CSMD3: variants seen among roughly 807,000 people sequenced by gnomAD.
The protein encoded by CSMD3 is CUB and sushi domain-containing protein 3.
A neutral mutation model predicts 435.2 loss-of-function variants in CSMD3; 177 were observed. The ratio of observed to expected loss-of-function variants is 0.41; its 90% CI spans 0.36 to 0.46. The LOEUF is 0.46. Ranked by LOEUF, CSMD3 falls within the 20% of genes least tolerant of loss-of-function variation. CSMD3 has a pLI of 0.34. For missense variants in CSMD3, 4,265 were observed against 4,504.6 expected (o/e 0.95, Z 1.52); for synonymous variants, 1,656 against 1,520.5 (o/e 1.09, Z -2.07).
At chr8:113,082,002 A>G (rs937581621) in intron 5 of CSMD3, among the ~76,000 whole-genome samples, 1 of 152,152 alleles carries the variant, frequency 6.6e-6, no homozygotes, top group East Asian at 1.9e-4. Context: ...TGGGGATCTG[A>G]GAACTGGCCC....
chr8:112,394,302 T>C (rs1420148235), intron 35 of CSMD3, among the ~76,000 whole-genome samples: 8 of 152,194 alleles, frequency 5.3e-5, no homozygotes, highest in Non-Finnish European at 8.8e-5. Flanking sequence ...CCTATCCAAA[T>C]CACACTACTT....
intron 2 of CSMD3, among the ~76,000 whole-genome samples, chr8:113,303,082 T>C (rs1034089930): frequency 7.5e-6 from 1 of 132,984 alleles, no homozygotes; most frequent in African/African-American, 2.9e-5. Context: ...ACAAAATCAA[T>C]GTACAAAAAT....
At chr8:113,158,661 A>T (rs2091980317) in intron 4 of CSMD3, among the ~76,000 whole-genome samples, 1 of 152,022 alleles carries the variant, frequency 6.6e-6, no homozygotes, top group East Asian at 1.9e-4. Flanking sequence ...CTTTGGGAAC[A>T]GTATGAAAAT....
chr8:112,295,588 ATATT>A (rs1414726344), intron 54 of CSMD3, among the ~76,000 whole-genome samples: 3 of 151,598 alleles, frequency 2.0e-5, no homozygotes, highest in Non-Finnish European at 4.4e-5. Context: ...TCAATATTAT[ATATT>A]TATATTAAAT....
chr8:113,006,241 A>G (rs983987503), intron 6 of CSMD3, among the ~76,000 whole-genome samples: 1 of 152,052 alleles, frequency 6.6e-6, no homozygotes, highest in African/African-American at 2.4e-5. Context: ...GTTTCTTCCC[A>G]AACAAGTCCT....
At chr8:113,140,835 C>T (rs1411687804) in intron 4 of CSMD3, among the ~76,000 whole-genome samples, 1 of 150,726 alleles carries the variant, frequency 6.6e-6, no homozygotes, top group Non-Finnish European at 1.5e-5. Context: ...TAAATTCACA[C>T]CTCAACAACC....
rs2092842540 is a variant in CSMD3 at position 113,212,086 on chromosome 8, C to T, written c.515-38170G>A. 4.6e-5 allele frequency among the ~76,000 whole-genome samples: 7 copies of T among 152,116 alleles called. No homozygotes were observed. The South Asian group carries it at 1.2e-3, about 27-fold the overall frequency. Reference sequence around the variant, plus strand: ...ATTTATACCTTTGTATATTATAAGACTAGATCAAAAGAGACCCAATATTTA... The same window carrying T: ...ATTTATACCTTTGTATATTATAAGATTAGATCAAAAGAGACCCAATATTTA... On this transcript the variant is annotated intron_variant, in intron 3 of 70. Transcript: ENST00000297405.
chr8:112,386,932 C>T (rs982400381), intron 36 of CSMD3, among the ~76,000 whole-genome samples: 3 of 152,164 alleles, frequency 2.0e-5, no homozygotes, highest in Non-Finnish European at 4.4e-5. Flanking sequence ...AGGCATCTAT[C>T]ATATAACTGT....
chr8:112,924,372 C>A lies in CSMD3; in HGVS notation c.1509-2621G>T, dbSNP rs199823683. Among the ~76,000 whole-genome samples the A allele has an allele frequency of 1.8e-4, 27 of 152,176 alleles. No homozygotes were observed. In the East Asian group the frequency reaches 4.6e-3, roughly 26 times the overall value. The stretch of plus-strand genomic sequence containing the variant: ...CTTTAGGGGATGGAGAAAGAAGGCC[C>A]AGTATAGGGCCTGGCCCATAGGATT... On this transcript the variant is annotated intron_variant, in intron 9 of 70. Transcript: ENST00000297405.
At chr8:112,373,549 T>TA (rs11394857) in intron 38 of CSMD3, among the ~76,000 whole-genome samples, 123,593 of 151,962 alleles carry the variant, frequency 0.81, 50,855 homozygotes, top group African/African-American at 0.93. Context: ...TTACATGCAT[T>TA]AAAAACACAG....
chr8:112,383,333 A>T (rs1257943259), intron 37 of CSMD3, among the ~76,000 whole-genome samples: 1 of 152,154 alleles, frequency 6.6e-6, no homozygotes, highest in Non-Finnish European at 1.5e-5. Context: ...GTAACATAAA[A>T]CCATCAATAA....
chr8:112,280,192 A>G (rs1327848497), intron 59 of CSMD3, among the ~76,000 whole-genome samples: 5 of 152,178 alleles, frequency 3.3e-5, no homozygotes, highest in Admixed American at 1.3e-4. Context: ...AGGCCCTCCC[A>G]CTAGTATCCC....
rs145446061 is a variant in CSMD3, at chr8:112,263,331, C to T, written c.9862+308G>A. On this transcript the variant is annotated intron_variant, in intron 61 of 70. Coordinates refer to ENST00000297405, the MANE Select transcript of CSMD3 (RefSeq NM_198123.2). ...ATTTGGGAACAAATTTCAGAGTATT[C>T]GGCTAAGACAAAAAGGACATAAATA... Among the ~76,000 whole-genome samples the T allele has an allele frequency of 1.8e-4, 28 of 152,002 alleles. 1 individual carries two copies. Among genetic ancestry groups the T allele is most frequent in the African/African-American group, 5.3e-4 (22 of 41,488 alleles).
At chr8:113,325,550 T>G (rs2093978304) in intron 1 of CSMD3, among the ~76,000 whole-genome samples, 1 of 152,208 alleles carries the variant, frequency 6.6e-6, no homozygotes, top group African/African-American at 2.4e-5. Context: ...TTGTAAATTG[T>G]TGAGTCTCGG....
At chr8:112,348,870 T>G (rs1825899799) in intron 40 of CSMD3, among the ~76,000 whole-genome samples, 1 of 152,168 alleles carries the variant, frequency 6.6e-6, no homozygotes, top group African/African-American at 2.4e-5. Flanking sequence ...TTATTTCTCT[T>G]TTGCCCTGTC....
intron 13 of CSMD3, among the ~76,000 whole-genome samples, chr8:112,791,808 T>C (rs1041655315): frequency 6.6e-6 from 1 of 152,144 alleles, no homozygotes; most frequent in Non-Finnish European, 1.5e-5. Flanking sequence ...CAAGCTGTTT[T>C]CCAAAATGGT....
chr8:113,222,362 C>T (rs1249967726), intron 3 of CSMD3, among the ~76,000 whole-genome samples: 6 of 150,792 alleles, frequency 4.0e-5, no homozygotes, highest in Admixed American at 3.3e-4. Flanking sequence ...AAAGAAGAGT[C>T]TTTGTAAGTG....
intron 13 of CSMD3, among the ~76,000 whole-genome samples, chr8:112,728,299 CA>C (rs1055203375): frequency 2.7e-5 from 4 of 150,162 alleles, no homozygotes; most frequent in Admixed American, 1.3e-4. Context: ...AAACACTGAA[CA>C]AAAAAAATAT....
Position 112,976,133 on chromosome 8 carries a change from G to A in CSMD3, c.1046C>T (p.Thr349Ile), listed in dbSNP as rs2130935814. 1 of 1,613,960 alleles carries A rather than the reference G, an allele frequency of 6.2e-7. No homozygotes were observed. The highest frequency in any genetic ancestry group is 1.3e-5 in the African/African-American group (1 of 75,022). ...TAACTCACCAGTGGAGGTAGTGTGG[G>A]TCAATGTAGAAGAACCTGTGGGACA... ...SAPYQGSSTL[T>I]HTTSTGELEE... The change falls in exon 7 of 71, where the codon ACC (threonine) becomes ATC (isoleucine). Residue 349 changes from threonine (T) to isoleucine (I), a missense_variant. Physicochemically the swap from Thr to Ile is moderately conservative, Grantham distance 89. Coordinates refer to ENST00000297405, the MANE Select transcript of CSMD3 (RefSeq NM_198123.2).
Sources: allele counts gnomAD v4.1 joint callset (sites outside exome capture counted in the v4.1 genomes callset), GRCh38; gene constraint gnomAD v4.1.1; transcripts MANE v1.5; gene names NCBI Gene and HGNC (gene_info 2026-07-23, HGNC 2026-07-21).